The following NCKAP5 variants were observed in gnomAD, a reference collection of about 807,000 sequenced individuals.
NCKAP5 encodes the protein NCK associated protein 5, also known as nck-associated protein 5.
Under a neutral mutation model 167.0 loss-of-function variants are expected in NCKAP5, and 92 were observed. The observed-to-expected ratio is 0.55, with a 90% CI of 0.47 to 0.66. The LOEUF is 0.66. Among genes scored for constraint, NCKAP5 ranks in the 30% least tolerant of loss-of-function variants. The pLI is 0.00. For missense variants in NCKAP5, 2,378 were observed against 2,315.0 expected (o/e 1.03, Z -0.56); for synonymous variants, 891 against 877.4 (o/e 1.02, Z -0.27).
intron 6 of NCKAP5, chr2:133,118,366 T>A (rs897428575): frequency 2.0e-5 from 3 of 152,150 alleles, no homozygotes; most frequent in Admixed American, 6.5e-5. Context: ...GGAAATTTTA[T>A]TTTAAAATTC....
chr2:133,390,120 C>T (rs1174401949), intron 3 of NCKAP5, among the ~76,000 whole-genome samples: 2 of 152,300 alleles, frequency 1.3e-5, no homozygotes, highest in East Asian at 3.9e-4. Context: ...AAATAAATTA[C>T]CCTGTGTCCC....
At chr2:132,680,018 A>G (rs1684996617) in intron 19 of NCKAP5, among the ~76,000 whole-genome samples, 1 of 152,132 alleles carries the variant, frequency 6.6e-6, no homozygotes, top group Non-Finnish European at 1.5e-5. Flanking sequence ...ATTCCTGGTG[A>G]AGCTACTTTC....
chr2:132,990,049 T>G (rs2077406384), intron 7 of NCKAP5, among the ~76,000 whole-genome samples: 1 of 152,262 alleles, frequency 6.6e-6, no homozygotes, highest in East Asian at 1.9e-4. Flanking sequence ...CAATGAGACA[T>G]GGTCCCAGAA....
chr2:133,500,814 A>G (rs532721354), intron 3 of NCKAP5, among the ~76,000 whole-genome samples: 1 of 152,320 alleles, frequency 6.6e-6, no homozygotes, highest in East Asian at 1.9e-4. Flanking sequence ...TTCTTTCCCT[A>G]TAAAATATCT....
chr2:133,236,061 G>A (rs1402340456), intron 4 of NCKAP5, among the ~76,000 whole-genome samples: 2 of 83,632 alleles, frequency 2.4e-5, no homozygotes, highest in Non-Finnish European at 4.1e-5. Flanking sequence ...TCAAGACCCT[G>A]TCTCAGACCA....
chr2:132,892,970 T>C (rs2148875817), intron 8 of NCKAP5, among the ~76,000 whole-genome samples: 1 of 145,746 alleles, frequency 6.9e-6, no homozygotes, highest in East Asian at 2.0e-4. Context: ...AAATAGGAAT[T>C]CTTGACCTCT....
intron 8 of NCKAP5, among the ~76,000 whole-genome samples, chr2:132,955,338 CTT>C (rs2076306874): frequency 6.6e-6 from 1 of 152,136 alleles, no homozygotes; most frequent in Admixed American, 6.5e-5. Flanking sequence ...GGCTTCAAAG[CTT>C]GTGGCACTGG....
chr2:133,570,700 G>T (rs747982198), upstream of NCKAP5, among the ~76,000 whole-genome samples: 1 of 152,138 alleles, frequency 6.6e-6, no homozygotes, highest in African/African-American at 2.4e-5. Context: ...AGTGTGAGCC[G>T]CTTCGGTTCA....
At chr2:133,332,228 C>T (rs1165242138) in intron 3 of NCKAP5, among the ~76,000 whole-genome samples, 1 of 152,158 alleles carries the variant, frequency 6.6e-6, no homozygotes, top group Non-Finnish European at 1.5e-5. Context: ...TTTTTAAATG[C>T]ACCTTTTTCT....
intron 3 of NCKAP5, among the ~76,000 whole-genome samples, chr2:133,327,418 A>G (rs1227668058): frequency 6.6e-6 from 1 of 152,180 alleles, no homozygotes; most frequent in Non-Finnish European, 1.5e-5. Flanking sequence ...CTAGGCAAAG[A>G]TATGTTAATA....
the NCKAP5 span, among the ~76,000 whole-genome samples, chr2:133,608,508 C>T: frequency 6.6e-6 from 1 of 152,208 alleles, no homozygotes; most frequent in Admixed American, 6.5e-5. Flanking sequence ...GGAAGGGTCA[C>T]TGGCAGCACC....
chr2:132,960,286 T>C (rs557213890), intron 8 of NCKAP5, among the ~76,000 whole-genome samples: 40 of 151,974 alleles, frequency 2.6e-4, no homozygotes, highest in Middle Eastern at 6.8e-3. Flanking sequence ...TGCAGAGACC[T>C]AGACAGCTCT....
the NCKAP5 span, among the ~76,000 whole-genome samples, chr2:133,604,565 C>T: frequency 6.6e-6 from 1 of 151,952 alleles, no homozygotes; most frequent in Non-Finnish European, 1.5e-5. Flanking sequence ...ATTCTCTTTC[C>T]CCTTGTCTTA....
Position 132,784,018 on chromosome 2 carries a change from G to T in NCKAP5, c.2793C>A (p.Pro931=). 1 of 1,567,596 alleles carries T rather than the reference G, an allele frequency of 6.4e-7. No individual in the cohort carries two copies. Among genetic ancestry groups the T allele is most frequent in the Non-Finnish European group, 8.6e-7 (1 of 1,160,274 alleles). The change falls in exon 14 of 20, where the codon CCC becomes CCA. Residue 931 remains proline (P), a synonymous_variant. Transcript: ENST00000409261. ...EAGVKSPSPP[P]PPGRSVSLLA... ...GCAGGGAGACGGACCTGCCTGGAGG[G>T]GGCGGAGGGGAAGGGGATTTCACCC...
At chr2:132,689,641 A>G (rs1686463249) in intron 19 of NCKAP5, among the ~76,000 whole-genome samples, 1 of 152,116 alleles carries the variant, frequency 6.6e-6, no homozygotes, top group Non-Finnish European at 1.5e-5. Flanking sequence ...ATTGCTTATC[A>G]GTCTCTGTCA....
chr2:132,867,001 TG>T (rs2148748130), intron 10 of NCKAP5, among the ~76,000 whole-genome samples: 1 of 152,326 alleles, frequency 6.6e-6, no homozygotes, highest in African/African-American at 2.4e-5. Flanking sequence ...CATCTCTTTC[TG>T]CCTCATAGTG....
intron 5 of NCKAP5, among the ~76,000 whole-genome samples, chr2:133,162,256 CAAAGACTTTTTTTA>C (rs985956324): frequency 1.3e-5 from 2 of 152,246 alleles, no homozygotes; most frequent in African/African-American, 4.8e-5. Context: ...GTGGCATTTG[CAAAGACTTTTTTTA>C]AAAGAAGTCA....
Position 132,999,077 on chromosome 2 carries a change from T to A in NCKAP5, c.342-4838A>T, listed in dbSNP as rs534009431. On this transcript the variant is annotated intron_variant, in intron 6 of 19. Transcript: ENST00000409261. ...TAACGTACATCAAGTGAACTATTTT[T>A]AAAAAGTTAACTCCTAGGACAGCCA... is the stretch of plus-strand genomic sequence containing the variant. Among the ~76,000 whole-genome samples the A allele has an allele frequency of 1.5e-4, 23 of 152,326 alleles. No individual in the cohort carries two copies. In the South Asian group the frequency reaches 4.6e-3, roughly 30 times the overall value.
At chr2:133,643,906 C>T in the NCKAP5 span, among the ~76,000 whole-genome samples, 14 of 152,284 alleles carry the variant, frequency 9.2e-5, no homozygotes, top group South Asian at 2.9e-3. Context: ...TCCCAATTCC[C>T]CCGCCCTGCC....
Sources: gnomAD v4.1 joint callset for allele counts (sites outside exome capture counted in the v4.1 genomes callset) on GRCh38, gnomAD v4.1.1 for gene constraint, MANE v1.5 for transcripts, NCBI Gene and HGNC (gene_info 2026-07-23, HGNC 2026-07-21) for gene names.